Variants in PALM2AKAP2 observed in about 807,000 individuals in gnomAD.
The protein encoded by PALM2AKAP2 is PALM2-AKAP2 fusion protein.
In PALM2AKAP2, 37 loss-of-function variants were observed where a neutral mutation model predicts 71.5. The observed-to-expected ratio is 0.52, with a 90% CI of 0.40 to 0.68. The LOEUF (loss-of-function observed/expected upper bound fraction) is 0.68, where lower values mean the gene tolerates loss of function less well. Among genes scored for constraint, PALM2AKAP2 ranks in the 30% least tolerant of loss-of-function variants. The pLI, the probability that PALM2AKAP2 is intolerant of heterozygous loss-of-function variation, is 0.00. For missense variants in PALM2AKAP2, 1,224 were observed against 1,191.8 expected (o/e 1.03, Z -0.40); for synonymous variants, 468 against 478.8 (o/e 0.98, Z 0.29).
chr9:109,723,176 T>C (rs1483676396), intron 1 of PALM2AKAP2, among the ~76,000 whole-genome samples: 1 of 152,184 alleles, frequency 6.6e-6, no homozygotes, highest in Non-Finnish European at 1.5e-5. Flanking sequence ...TAGAAAGAGC[T>C]GACAAAAGCT....
rs138446638 is a variant in PALM2AKAP2 at position 109,811,804 on chromosome 9, C to G, written c.45+31271C>G. 4.3e-3 allele frequency among the ~76,000 whole-genome samples: 653 copies of G among 152,310 alleles called. 2 individuals are homozygous for G. Among genetic ancestry groups the G allele is most frequent in the Non-Finnish European group, 7.2e-3 (489 of 68,022 alleles). ...CTGAAGCTGGTCTCAAACTCCTGGC[C>G]TCAAGCCATCCTCCTACCTCAGCCT... is the stretch of plus-strand genomic sequence containing the variant. On this transcript the variant is annotated intron_variant, in intron 1 of 9. Coordinates refer to the PALM2AKAP2 transcript ENST00000302798.
intron 2 of PALM2AKAP2, among the ~76,000 whole-genome samples, chr9:110,138,942 C>A (rs1835963427): frequency 6.6e-6 from 1 of 152,212 alleles, no homozygotes. Context: ...TCTAGTTAAA[C>A]CCATCTGATT....
At chr9:109,838,057 C>T (rs1188101187) in intron 1 of PALM2AKAP2, among the ~76,000 whole-genome samples, 1 of 80,512 alleles carries the variant, frequency 1.2e-5, no homozygotes, top group Non-Finnish European at 2.4e-5. Context: ...CTCTCCACCC[C>T]AAATCAACAG....
intron 1 of PALM2AKAP2, among the ~76,000 whole-genome samples, chr9:109,851,904 C>T (rs1829031757): frequency 6.6e-6 from 1 of 152,014 alleles, no homozygotes; most frequent in Admixed American, 6.6e-5. Flanking sequence ...GCTGTGTGGT[C>T]TTTGTTCACT....
intron 1 of PALM2AKAP2, among the ~76,000 whole-genome samples, chr9:109,702,487 C>A (rs917393977): frequency 4.7e-5 from 7 of 149,232 alleles, no homozygotes; most frequent in African/African-American, 1.7e-4. Context: ...CAAACTATTG[C>A]AAGGACAAAA....
intron 1 of PALM2AKAP2, among the ~76,000 whole-genome samples, chr9:109,783,897 A>G (rs1450252744): frequency 6.6e-6 from 1 of 152,258 alleles, no homozygotes; most frequent in Non-Finnish European, 1.5e-5. Flanking sequence ...ACATCTGTGG[A>G]ATATCCGCCC....
chr9:110,141,530 T>C (rs1836029507), intron 2 of PALM2AKAP2, among the ~76,000 whole-genome samples: 2 of 152,254 alleles, frequency 1.3e-5, no homozygotes, highest in Non-Finnish European at 2.9e-5. Context: ...TTTGGAGTAT[T>C]GCTTGGCTGG....
At chr9:109,647,168 CA>C (rs1457296269) in intron 1 of PALM2AKAP2, among the ~76,000 whole-genome samples, 1 of 152,130 alleles carries the variant, frequency 6.6e-6, no homozygotes, top group Non-Finnish European at 1.5e-5. Context: ...AATCATACCA[CA>C]TATGTTGTTC....
At chr9:109,803,100 G>T (rs1827477348) in intron 1 of PALM2AKAP2, among the ~76,000 whole-genome samples, 1 of 144,356 alleles carries the variant, frequency 6.9e-6, no homozygotes, top group South Asian at 2.1e-4. Flanking sequence ...ACAGGTTTTT[G>T]GGGAAAAAAA....
rs142217839 is a variant in PALM2AKAP2, at chr9:110,139,207, T to C, written c.2569+668T>C. Among the ~76,000 whole-genome samples the C allele has an allele frequency of 1.1e-3, 160 of 152,366 alleles. 3 individuals carry two copies. The highest frequency in any genetic ancestry group is 3.4e-3 in the African/African-American group (141 of 41,590). On this transcript the variant is annotated intron_variant, in intron 2 of 3. Transcript: ENST00000374525. ...AAGGCAGGTCTTTAATCCCTTCATA[T>C]TGCCTGGGTGGTCCCTTTTTTGAAT...
intron 1 of PALM2AKAP2, among the ~76,000 whole-genome samples, chr9:109,825,677 C>G (rs902009301): frequency 1.3e-5 from 2 of 152,168 alleles, no homozygotes; most frequent in Non-Finnish European, 2.9e-5. Context: ...CCATCTCACA[C>G]CAGTTAGAAT....
chr9:109,845,546 T>A (rs1828831608), intron 1 of PALM2AKAP2, among the ~76,000 whole-genome samples: 1 of 152,168 alleles, frequency 6.6e-6, no homozygotes. Context: ...TACTGCGTAG[T>A]CCTAGGGAGA....
At chr9:109,810,828 C>T (rs932360404) in intron 1 of PALM2AKAP2, among the ~76,000 whole-genome samples, 6 of 152,048 alleles carry the variant, frequency 3.9e-5, no homozygotes, top group Admixed American at 2.0e-4. Context: ...AGGAAGGCAT[C>T]GAGTGCACAA....
chr9:109,888,491 C>T (rs1230030507), intron 3 of PALM2AKAP2, among the ~76,000 whole-genome samples: 2 of 151,950 alleles, frequency 1.3e-5, no homozygotes, highest in African/African-American at 4.8e-5. Context: ...GATGGATCAC[C>T]TGAGGTCAGG....
Position 109,699,650 on chromosome 9 carries a change from C to T in PALM2AKAP2, c.5+58784C>T, listed in dbSNP as rs188153389. 1.1e-4 allele frequency among the ~76,000 whole-genome samples: 16 copies of T among 152,164 alleles called. No individual in the cohort carries two copies. In the South Asian group the frequency reaches 1.5e-3, roughly 14 times the overall value. On this transcript the variant is annotated intron_variant, in intron 1 of 6. Coordinates refer to the PALM2AKAP2 transcript ENST00000374531. ...CACAGTAAGAACCCAAATGGACAGA[C>T]AGAGAAGAGGAAGCCAAAATATTAA...
chr9:109,878,644 G>A (rs1419613215), intron 2 of PALM2AKAP2, among the ~76,000 whole-genome samples: 1 of 151,452 alleles, frequency 6.6e-6, no homozygotes, highest in Non-Finnish European at 1.5e-5. Flanking sequence ...CCTGGGCATG[G>A]AGCAGGGTGT....
intron 1 of PALM2AKAP2, among the ~76,000 whole-genome samples, chr9:110,063,955 G>T (rs1228775538): frequency 1.3e-5 from 2 of 152,196 alleles, no homozygotes. Flanking sequence ...ACCAGTTCAT[G>T]CAGGCATGGG....
chr9:109,935,957 C>A (rs942485067), intron 6 of PALM2AKAP2, among the ~76,000 whole-genome samples: 1 of 152,194 alleles, frequency 6.6e-6, no homozygotes, highest in Non-Finnish European at 1.5e-5. Context: ...AAATCAGACA[C>A]AAGAAATTGG....
At chr9:109,915,342 G>A (rs775314037) in intron 3 of PALM2AKAP2, among the ~76,000 whole-genome samples, 1 of 152,208 alleles carries the variant, frequency 6.6e-6, no homozygotes, top group Non-Finnish European at 1.5e-5. Flanking sequence ...TCATGTTTCT[G>A]GAGAGCAATT....
Sources: gnomAD v4.1 joint callset for allele counts (sites outside exome capture counted in the v4.1 genomes callset) on GRCh38, gnomAD v4.1.1 for gene constraint, MANE v1.5 for transcripts, NCBI Gene and HGNC (gene_info 2026-07-23, HGNC 2026-07-21) for gene names.